The following FOCAD variants were observed in gnomAD, a reference collection of about 807,000 sequenced individuals.
The protein encoded by FOCAD is KIAA1797.
Under a neutral mutation model 225.6 loss-of-function variants are expected in FOCAD, and 198 were observed. That is an observed-to-expected ratio of 0.88 (90% CI 0.78 to 0.99). The LOEUF (loss-of-function observed/expected upper bound fraction) is 0.99, where lower values mean the gene tolerates loss of function less well. FOCAD is among the 50% of genes least tolerant of loss of function. The probability of loss-of-function intolerance (pLI) is 0.00; values close to 1 mark genes in which losing one functional copy is unlikely to be tolerated. For missense variants in FOCAD, 2,713 were observed against 2,123.6 expected (o/e 1.28, Z -5.46); for synonymous variants, 897 against 755.0 (o/e 1.19, Z -3.08).
At chr9:20,761,437 T>G (rs897573576) in intron 6 of FOCAD, among the ~76,000 whole-genome samples, 1 of 151,974 alleles carries the variant, frequency 6.6e-6, no homozygotes, top group Non-Finnish European at 1.5e-5. Context: ...TTATTTTTTT[T>G]TGTGGCAGAG....
chr9:20,789,546 G>A lies in FOCAD; in HGVS notation c.1393G>A (p.Gly465Arg), dbSNP rs112541381. 946 of 1,613,894 alleles carry A rather than the reference G, an allele frequency of 5.9e-4. 1 individual carries two copies. In the African/African-American group the frequency reaches 0.011, roughly 19 times the overall value. The change falls in exon 11 of 44, where the codon GGA becomes AGA. Residue 465 changes from glycine (G) to arginine (R), a missense_variant. By Grantham distance (125) the Gly-to-Arg change is moderately radical (BLOSUM62 -2). Transcript: ENST00000338382. ...GGCTCACCTCCTTGTTGAAGACAAA[G>A]GACAAAATCTTCACCAAATACTCAA... ...LLAHLLVEDK[G>R]QNLHQILKVT...
At chr9:20,913,022 C>T in intron 23 of FOCAD, 68 bp downstream of exon 23, 2 of 1,260,898 alleles carry the variant, frequency 1.6e-6, no homozygotes, top group South Asian at 2.6e-5. Context: ...AAGGTAACTA[C>T]TTTAAAGGCT....
At chr9:20,845,563 A>G (rs1827017602) in intron 15 of FOCAD, among the ~76,000 whole-genome samples, 1 of 150,714 alleles carries the variant, frequency 6.6e-6, no homozygotes, top group South Asian at 2.1e-4. Context: ...TTTTACTGTC[A>G]TCTACAGTGC....
intron 15 of FOCAD, among the ~76,000 whole-genome samples, chr9:20,834,854 C>T (rs62560488): frequency 0.16 from 24,739 of 152,062 alleles, 2,429 homozygotes; most frequent in South Asian, 0.3. Flanking sequence ...ATGTGCTATA[C>T]ATACAAACTA....
At chr9:20,774,146 C>T (rs933173027) in intron 8 of FOCAD, among the ~76,000 whole-genome samples, 4 of 152,172 alleles carry the variant, frequency 2.6e-5, no homozygotes, top group Non-Finnish European at 5.9e-5. Context: ...CCATTCCCTG[C>T]CCCAGGTGTG....
chr9:20,787,393 G>A (rs905857418), intron 10 of FOCAD, among the ~76,000 whole-genome samples: 3 of 152,126 alleles, frequency 2.0e-5, no homozygotes, highest in African/African-American at 4.8e-5. Flanking sequence ...TTACAAACGA[G>A]TAAAGAGAGG....
intron 15 of FOCAD, among the ~76,000 whole-genome samples, chr9:20,862,131 C>T (rs1375193310): frequency 6.6e-6 from 1 of 152,076 alleles, no homozygotes; most frequent in African/African-American, 2.4e-5. Flanking sequence ...TATATTAATA[C>T]TCCAATTTTC....
intron 29 of FOCAD, among the ~76,000 whole-genome samples, chr9:20,946,012 G>A (rs1837137516): frequency 6.6e-6 from 1 of 152,026 alleles, no homozygotes; most frequent in Admixed American, 6.6e-5. Context: ...GCTAGTAAAT[G>A]GTCAATTTGG....
At position 20,990,259 on chromosome 9, in the gene FOCAD, G is replaced by A. The variant is rs1439199932; in HGVS notation, c.5141G>A (p.Ser1714Asn). 3 of 1,614,082 alleles carry A rather than the reference G, an allele frequency of 1.9e-6. No individual in the cohort carries two copies. The highest frequency in any genetic ancestry group is 2.2e-5 in the South Asian group (2 of 91,094). ...AATGGCCCGGCTGGGCCAGTACCAA[G>A]CTTCCTTGGCAGGAGTCCAATGCAC... ...QENGPAGPVPSFLGRSPMHRV... is the reference protein window; with the variant it reads ...QENGPAGPVPNFLGRSPMHRV... The change falls in exon 42 of 44, where the codon AGC becomes AAC. Residue 1714 changes from serine (S) to asparagine (N), a missense_variant. By Grantham distance (46) the Ser-to-Asn change is conservative. Coordinates refer to ENST00000338382, the MANE Select transcript of FOCAD (RefSeq NM_001375567.1).
chr9:20,723,852 A>T (rs73436470), intron 4 of FOCAD, among the ~76,000 whole-genome samples: 1 of 152,150 alleles, frequency 6.6e-6, no homozygotes, highest in African/African-American at 2.4e-5. Context: ...TTTGGCTTAC[A>T]GTTCTACAGG....
intron 8 of FOCAD, 99 bp downstream of exon 8, chr9:20,770,337 C>G: frequency 1.8e-6 from 2 of 1,110,058 alleles, no homozygotes; most frequent in Admixed American, 2.1e-5. Flanking sequence ...GGCTTACAGT[C>G]TGGCAGGCTG....
chr9:20,878,651 A>C (rs539665788), intron 19 of FOCAD, among the ~76,000 whole-genome samples: 2 of 152,198 alleles, frequency 1.3e-5, no homozygotes, highest in Non-Finnish European at 2.9e-5. Context: ...TCTGAAAGAC[A>C]GAATCAATAG....
Position 20,869,024 on chromosome 9 carries a change from A to G in FOCAD, c.2190+2012A>G, listed in dbSNP as rs369599174. Reference sequence around the variant, plus strand: ...TCATATCCCAAACAAGTTCCCAAACATACAGCCTGGTCGGTGCTTCACCTT... The same window carrying G: ...TCATATCCCAAACAAGTTCCCAAACGTACAGCCTGGTCGGTGCTTCACCTT... On this transcript the variant is annotated intron_variant, in intron 18 of 43. Coordinates refer to ENST00000338382, the MANE Select transcript of FOCAD (RefSeq NM_001375567.1). Among the ~76,000 whole-genome samples the G allele has an allele frequency of 2.1e-4, 32 of 152,338 alleles. No homozygotes were observed. In the East Asian group the frequency reaches 5.8e-3, roughly 28 times the overall value.
At chr9:20,667,788 A>G (rs949702933) in intron 2 of FOCAD, among the ~76,000 whole-genome samples, 1 of 152,234 alleles carries the variant, frequency 6.6e-6, no homozygotes, top group Non-Finnish European at 1.5e-5. Context: ...TTAAGAAATT[A>G]AAAACAACAG....
intron 39 of FOCAD, 53 bp from the exon 40 acceptor site, chr9:20,986,235 C>G (rs1181646340): frequency 7.5e-7 from 1 of 1,329,254 alleles, no homozygotes; most frequent in Non-Finnish European, 9.6e-7. Flanking sequence ...AATTCTGTAG[C>G]TACTTCAGTT....
At chr9:20,961,899 G>C (rs560639509) in intron 35 of FOCAD, among the ~76,000 whole-genome samples, 2 of 152,036 alleles carry the variant, frequency 1.3e-5, no homozygotes, top group African/African-American at 4.8e-5. Flanking sequence ...TGAAATATTC[G>C]GTCTTAACAT....
At chr9:20,818,995 A>G (rs1241081150) in intron 11 of FOCAD, among the ~76,000 whole-genome samples, 7 of 152,140 alleles carry the variant, frequency 4.6e-5, no homozygotes, top group South Asian at 2.1e-4. Context: ...CTTCTAATCC[A>G]TGAATGTATT....
At chr9:20,974,232 G>A (rs183790074) in intron 35 of FOCAD, among the ~76,000 whole-genome samples, 790 of 88,366 alleles carry the variant, frequency 8.9e-3, no homozygotes, top group African/African-American at 0.014. Context: ...CCTTTTTCCT[G>A]TGCTTCTCTT....
At chr9:20,909,614 G>C (rs1833272108) in intron 22 of FOCAD, among the ~76,000 whole-genome samples, 1 of 151,968 alleles carries the variant, frequency 6.6e-6, no homozygotes, top group Non-Finnish European at 1.5e-5. Flanking sequence ...AGTAAGTCCA[G>C]TTCCATTGAG....
Sources: allele counts gnomAD v4.1 joint callset (sites outside exome capture counted in the v4.1 genomes callset), GRCh38; gene constraint gnomAD v4.1.1; transcripts MANE v1.5; gene names NCBI Gene and HGNC (gene_info 2026-07-23, HGNC 2026-07-21).